The following ASMTL variants were observed in gnomAD, a reference collection of about 807,000 sequenced individuals.
ASMTL encodes the protein probable bifunctional dTTP/UTP pyrophosphatase/methyltransferase protein.
Under a neutral mutation model 60.3 loss-of-function variants are expected in ASMTL, and 57 were observed. The ratio of observed to expected loss-of-function variants is 0.95; its 90% CI spans 0.76 to 1.18. The LOEUF (loss-of-function observed/expected upper bound fraction) is 1.18. Among genes scored for constraint, ASMTL ranks in the 50% most tolerant of loss-of-function variants. The pLI is 0.00. For synonymous variants in ASMTL, 419 were observed against 373.0 expected, an observed-to-expected ratio of 1.12 and a Z score of -1.42; for missense variants, 981 against 852.6, an observed-to-expected ratio of 1.15 and a Z score of -1.88.
At chrX:1,420,564 C>T (rs1464225159) in intron 9 of ASMTL, among the ~76,000 whole-genome samples, 10 of 152,244 alleles carry the variant, frequency 6.6e-5, no homozygotes, top group African/African-American at 9.6e-5. Flanking sequence ...AGACTCCCCA[C>T]GCCTGGCTGG....
Position 1,452,782 on chromosome X carries a change from G to A in ASMTL, c.59C>T (p.Ala20Val). The A allele has an allele frequency of 6.3e-7, 1 of 1,596,772 alleles. No homozygotes were observed. Among genetic ancestry groups the A allele is most frequent in the Non-Finnish European group, 8.5e-7 (1 of 1,177,332 alleles). Residue 20 changes from alanine (A) to valine (V), a missense_variant, in exon 1 of 13, where the codon GCC becomes GTC. By Grantham distance (64) the Ala-to-Val change is moderately conservative. Transcript: ENST00000381317. ...LLHKRVVLAS[A>V]SPRRQEILSN... ...GAGGATCTCCTGACGGCGTGGGGAG[G>A]CGCTGGCCAGCACCACGCGCTTGTG...
At chrX:1,412,929 GC>G (rs1442652133) in intron 11 of ASMTL, 75 bp from the exon 12 acceptor site, 1 of 1,537,386 alleles carries the variant, frequency 6.5e-7, no homozygotes, top group Non-Finnish European at 9.0e-7. Context: ...TCCTGGGACG[GC>G]CACCCGCATC....
chrX:1,427,617 GAC>G, intron 7 of ASMTL, 115 bp downstream of exon 7: 1 of 1,143,668 alleles, frequency 8.7e-7, no homozygotes, highest in African/African-American at 1.5e-5. Context: ...ATGGCCCTGA[GAC>G]AACCTGACCT....
intron 6 of ASMTL, 124 bp from the exon 7 acceptor site, chrX:1,428,245 AAC>A: frequency 8.3e-7 from 1 of 1,200,466 alleles, no homozygotes; most frequent in East Asian, 2.5e-5. Context: ...CATCCTGGCT[AAC>A]ACAGTGAAAC....
intron 1 of ASMTL, among the ~76,000 whole-genome samples, chrX:1,444,497 C>T (rs1312410286): frequency 2.0e-5 from 3 of 152,174 alleles, no homozygotes; most frequent in Admixed American, 6.5e-5. Context: ...ATGTGAGCCT[C>T]TGCGCCCAGG....
At chrX:1,428,473 C>T (rs1473924240) in intron 6 of ASMTL, among the ~76,000 whole-genome samples, 1 of 151,682 alleles carries the variant, frequency 6.6e-6, no homozygotes, top group Non-Finnish European at 1.5e-5. Context: ...GAAACCCCAT[C>T]TCTACTAAAA....
intron 8 of ASMTL, among the ~76,000 whole-genome samples, chrX:1,422,625 G>A (rs2090512305): frequency 6.6e-6 from 1 of 152,086 alleles, no homozygotes; most frequent in Non-Finnish European, 1.5e-5. Flanking sequence ...GTTGTTGGTG[G>A]AGACCCGTAT....
intron 11 of ASMTL, among the ~76,000 whole-genome samples, chrX:1,417,007 ACAGACT>A (rs2090306981): frequency 1.5e-5 from 2 of 131,746 alleles, no homozygotes; most frequent in East Asian, 2.3e-4. Context: ...ATGTGCACAC[ACAGACT>A]CAGAAACACA....
chrX:1,418,371 G>C (rs760171282), intron 10 of ASMTL, among the ~76,000 whole-genome samples: 1 of 151,152 alleles, frequency 6.6e-6, no homozygotes. Context: ...CCTTCCTGCC[G>C]TGGGGATGTA....
At chrX:1,404,628 C>T (rs376258861) in intron 12 of ASMTL, among the ~76,000 whole-genome samples, 2,804 of 106,776 alleles carry the variant, frequency 0.026, 91 homozygotes, top group African/African-American at 0.094. Flanking sequence ...GACGAATGGA[C>T]GGATAGATGG....
intron 3 of ASMTL, 72 bp downstream of exon 3, chrX:1,439,025 C>T: frequency 6.6e-7 from 1 of 1,504,716 alleles, no homozygotes; most frequent in Non-Finnish European, 9.3e-7. Flanking sequence ...ACAACATCCA[C>T]AAGAGGCAGA....
At chrX:1,421,201 G>A (rs750266408) in intron 9 of ASMTL, among the ~76,000 whole-genome samples, 32 of 152,006 alleles carry the variant, frequency 2.1e-4, no homozygotes, top group Admixed American at 5.9e-4. Context: ...CTGACCTCAG[G>A]TGATCAGCCC....
intron 11 of ASMTL, among the ~76,000 whole-genome samples, chrX:1,413,348 A>AGGT (rs113902231): frequency 1.3e-5 from 2 of 151,880 alleles, no homozygotes; most frequent in Non-Finnish European, 2.9e-5. Context: ...GGCGACAAGA[A>AGGT]GGCAAGGGAG....
At chrX:1,451,009 C>G (rs1194287751) in intron 1 of ASMTL, among the ~76,000 whole-genome samples, 1 of 121,418 alleles carries the variant, frequency 8.2e-6, no homozygotes, top group African/African-American at 4.3e-5. Context: ...CTAGGGGTCC[C>G]GGGTCACTCT....
At chrX:1,424,590 A>G (rs2090564740) in intron 8 of ASMTL, among the ~76,000 whole-genome samples, 1 of 150,150 alleles carries the variant, frequency 6.7e-6, no homozygotes, top group Admixed American at 6.6e-5. Context: ...CCAGCCACCC[A>G]TCCACTCACC....
chrX:1,429,525 T>C (rs2090710360), intron 6 of ASMTL, among the ~76,000 whole-genome samples: 1 of 151,934 alleles, frequency 6.6e-6, no homozygotes, highest in Non-Finnish European at 1.5e-5. Context: ...AGTGCAGGTG[T>C]TGGGCTGGGC....
At chrX:1,415,860 A>G (rs2090227327) in intron 11 of ASMTL, among the ~76,000 whole-genome samples, 1 of 152,194 alleles carries the variant, frequency 6.6e-6, no homozygotes, top group Non-Finnish European at 1.5e-5. Flanking sequence ...AGACACAGGC[A>G]CACACACATA....
rs189127075 is a variant in ASMTL, at chrX:1,433,394, G to A, written c.401-1017C>T. The stretch of plus-strand genomic sequence containing the variant: ...AAGAGACCCAGAAGGGACCGCGCGC[G>A]GTGGCTCACGCCTGTCATCCCAGCA... On this transcript the variant is annotated intron_variant, in intron 5 of 12. Coordinates refer to ENST00000381317, the MANE Select transcript of ASMTL (RefSeq NM_004192.4). Among the ~76,000 whole-genome samples the A allele has an allele frequency of 3.8e-4, 57 of 150,994 alleles. 2 individuals carry two copies. Among genetic ancestry groups the A allele is most frequent in the East Asian group, 9.8e-4 (5 of 5,082 alleles).
rs1245999932 is a variant in ASMTL, at chrX:1,435,216, C to T, written c.339-133G>A. On this transcript the variant is annotated intron_variant, in intron 4 of 12. Coordinates refer to ENST00000381317, the MANE Select transcript of ASMTL (RefSeq NM_004192.4). ...CCGTCCCCAGCATCTTCTCCCCGAT[C>T]GTCCCGCTGTGGGGTCTCCAGGGAA... 1.1e-5 allele frequency: 11 copies of T among 958,748 alleles called. No homozygotes were observed. The East Asian group carries it at 1.3e-4, about 11-fold the overall frequency. The allele number at this position is 958,748 out of a possible 1,614,324, so 59.4% of individuals were successfully genotyped here.
Sources: gnomAD v4.1 joint callset for allele counts (sites outside exome capture counted in the v4.1 genomes callset) on GRCh38, gnomAD v4.1.1 for gene constraint, MANE v1.5 for transcripts, NCBI Gene and HGNC (gene_info 2026-07-23, HGNC 2026-07-21) for gene names.